The following RAB22A variants were observed in gnomAD, a reference collection of about 807,000 sequenced individuals.
RAB22A encodes the protein ras-related protein Rab-22A.
A neutral mutation model predicts 30.2 loss-of-function variants in RAB22A; 13 were observed. The observed-to-expected ratio is 0.43, with a 90% CI of 0.28 to 0.68. The LOEUF (loss-of-function observed/expected upper bound fraction) is 0.68. Among genes scored for constraint, RAB22A ranks in the 30% least tolerant of loss-of-function variants. The pLI, the probability that RAB22A is intolerant of heterozygous loss-of-function variation, is 0.18. For synonymous variants in RAB22A, 89 were observed against 87.2 expected (o/e 1.02, Z -0.11); for missense variants, 177 against 246.8 (o/e 0.72, Z 1.89).
chr20:58,333,391 A>C (rs1030894829), intron 2 of RAB22A, among the ~76,000 whole-genome samples: 2 of 152,210 alleles, frequency 1.3e-5, no homozygotes, highest in African/African-American at 4.8e-5. Context: ...AACTTTCTTC[A>C]AAAATAAAGG....
At chr20:58,352,932 T>C (rs528788468) in intron 3 of RAB22A, among the ~76,000 whole-genome samples, 2 of 152,314 alleles carry the variant, frequency 1.3e-5, no homozygotes, top group East Asian at 3.9e-4. Context: ...CCCCTGATAG[T>C]TAGGGAAGCC....
intron 3 of RAB22A, among the ~76,000 whole-genome samples, chr20:58,346,487 C>T (rs1986951031): frequency 6.6e-6 from 1 of 152,248 alleles, no homozygotes; most frequent in Non-Finnish European, 1.5e-5. Flanking sequence ...GTTCCCTCCA[C>T]TGGAGCCCAG....
chr20:58,316,293 CT>C (rs1986337110), intron 2 of RAB22A, among the ~76,000 whole-genome samples: 1 of 152,148 alleles, frequency 6.6e-6, no homozygotes, highest in Non-Finnish European at 1.5e-5. Context: ...ATCTTCTTAC[CT>C]CCAGGGACAC....
chr20:58,365,542 A>G lies in RAB22A; in HGVS notation c.*5839A>G, dbSNP rs1349414367. ...CTTACCTTGTATATGAACTTATGAC[A>G]TTAGAGTTTGTGAAACTGTCTTAAC... On this transcript the variant is annotated 3_prime_UTR_variant, in exon 7 of 7. Coordinates refer to ENST00000244040, the MANE Select transcript of RAB22A (RefSeq NM_020673.3). 6.6e-6 allele frequency: 1 copy of G among 152,278 alleles called. No individual in the cohort carries two copies. Among genetic ancestry groups the G allele is most frequent in the East Asian group, 1.9e-4 (1 of 5,204 alleles). The allele number at this position is 152,278 out of a possible 1,614,324, so 9.4% of individuals were successfully genotyped here.
chr20:58,351,738 G>A (rs1987053806), intron 3 of RAB22A, among the ~76,000 whole-genome samples: 1 of 152,194 alleles, frequency 6.6e-6, no homozygotes, highest in Non-Finnish European at 1.5e-5. Flanking sequence ...GCTTGAACCC[G>A]GGAGGCGGAG....
At chr20:58,335,387 G>A (rs1382874811) in intron 2 of RAB22A, among the ~76,000 whole-genome samples, 1 of 152,004 alleles carries the variant, frequency 6.6e-6, no homozygotes, top group Non-Finnish European at 1.5e-5. Context: ...GATGAGTGGG[G>A]GTCTGATTAT....
intron 3 of RAB22A, chr20:58,346,005 C>T (rs774108858): frequency 5.2e-5 from 8 of 152,454 alleles, no homozygotes; most frequent in Non-Finnish European, 7.3e-5. Flanking sequence ...GCCACACTGC[C>T]GTGTTGCTCT....
At chr20:58,358,751 C>T (rs1403984486) in intron 6 of RAB22A, among the ~76,000 whole-genome samples, 3 of 151,994 alleles carry the variant, frequency 2.0e-5, no homozygotes, top group East Asian at 1.9e-4. Context: ...AAAAATTAGC[C>T]GGGCGTGGCG....
Position 58,343,698 on chromosome 20 carries a change from A to T in RAB22A, c.117-20A>T. The T allele has an allele frequency of 3.2e-6, 5 of 1,572,074 alleles. No homozygotes were observed. The highest frequency in any genetic ancestry group is 4.4e-6 in the Non-Finnish European group (5 of 1,142,038). On this transcript the variant is annotated intron_variant, in intron 2 of 6. Coordinates refer to ENST00000244040, the MANE Select transcript of RAB22A (RefSeq NM_020673.3). ...TGCTTTACATAATTGTATTCTGATC[A>T]TTTAGGTCTCTCTTTATAGGGCATC... is the stretch of plus-strand genomic sequence containing the variant.
At chr20:58,330,183 G>C (rs1468573710) in intron 2 of RAB22A, among the ~76,000 whole-genome samples, 2 of 152,026 alleles carry the variant, frequency 1.3e-5, no homozygotes, top group African/African-American at 2.4e-5. Context: ...TTATTCGTGG[G>C]GGGTCCTGAA....
rs753220626 is a variant in RAB22A, at chr20:58,363,224, C to T, written c.*3521C>T. The T allele has an allele frequency of 6.6e-6, 1 of 152,214 alleles. No individual in the cohort carries two copies. The highest frequency in any genetic ancestry group is 1.5e-5 in the Non-Finnish European group (1 of 68,044). 9.4% of individuals were successfully genotyped at this position (152,214 alleles called of 1,614,324 possible). ...TCAGAAAGGCATTTGCTCATGGTTA[C>T]AGGCATCTTTTAGATTCTAAGAGTG... On this transcript the variant is annotated 3_prime_UTR_variant, in exon 7 of 7. Coordinates refer to ENST00000244040, the MANE Select transcript of RAB22A (RefSeq NM_020673.3).
intron 2 of RAB22A, among the ~76,000 whole-genome samples, chr20:58,321,168 T>A (rs1831005279): frequency 6.9e-6 from 1 of 145,380 alleles, no homozygotes; most frequent in Non-Finnish European, 1.5e-5. Context: ...TCCAGCCTGG[T>A]GACAGAGCAA....
chr20:58,311,995 G>A (rs1986235399), intron 2 of RAB22A, among the ~76,000 whole-genome samples: 1 of 152,120 alleles, frequency 6.6e-6, no homozygotes, highest in South Asian at 2.1e-4. Context: ...CGCTCTTTTT[G>A]CCCAGGCTGC....
chr20:58,347,264 A>C lies in RAB22A; in HGVS notation c.198+3465A>C, dbSNP rs1327743983. ...GGATTGTCTTTCTGATGGTCCAGCT[A>C]CGTTTGATTGCAAAGTGATTTCATT... On this transcript the variant is annotated intron_variant, in intron 3 of 6. Transcript: ENST00000244040. 2.6e-5 allele frequency among the ~76,000 whole-genome samples: 4 copies of C among 152,352 alleles called. No homozygotes were observed. The East Asian group carries it at 5.8e-4, about 22-fold the overall frequency.
At chr20:58,311,239 T>A in intron 2 of RAB22A, 117 bp downstream of exon 2, 1 of 950,528 alleles carries the variant, frequency 1.1e-6, no homozygotes, top group Non-Finnish European at 1.7e-6. Flanking sequence ...AGTCGCTGGT[T>A]CGCATCATCT....
At chr20:58,348,144 T>G (rs1023007086) in intron 3 of RAB22A, among the ~76,000 whole-genome samples, 2 of 152,134 alleles carry the variant, frequency 1.3e-5, no homozygotes, top group African/African-American at 4.8e-5. Flanking sequence ...GGAGAATCAC[T>G]TGATCCCGGG....
At chr20:58,346,427 C>T (rs1986948212) in intron 3 of RAB22A, among the ~76,000 whole-genome samples, 1 of 152,226 alleles carries the variant, frequency 6.6e-6, no homozygotes, top group African/African-American at 2.4e-5. Flanking sequence ...CTCCAGCACT[C>T]CTTGGCCTCA....
At chr20:58,325,205 G>A (rs1431585186) in intron 2 of RAB22A, among the ~76,000 whole-genome samples, 1 of 144,394 alleles carries the variant, frequency 6.9e-6, no homozygotes, top group Non-Finnish European at 1.5e-5. Flanking sequence ...TAGGCTAGGC[G>A]CAGTGGCTCA....
chr20:58,312,867 G>A (rs1224547354), intron 2 of RAB22A, among the ~76,000 whole-genome samples: 4 of 152,076 alleles, frequency 2.6e-5, no homozygotes, highest in East Asian at 1.9e-4. Context: ...ATAAGTTTCT[G>A]CAATTAAAAT....
Sources: allele counts gnomAD v4.1 joint callset (sites outside exome capture counted in the v4.1 genomes callset), GRCh38; gene constraint gnomAD v4.1.1; transcripts MANE v1.5; gene names NCBI Gene and HGNC (gene_info 2026-07-23, HGNC 2026-07-21).